The following LRFN5 variants were observed in gnomAD, a reference collection of about 807,000 sequenced individuals.
LRFN5 encodes leucine-rich repeat and fibronectin type-III domain-containing protein 5.
LRFN5 carries 24 observed loss-of-function variants against 45.6 expected under a neutral mutation model. The ratio of observed to expected loss-of-function variants is 0.53; its 90% CI spans 0.38 to 0.74. The LOEUF (loss-of-function observed/expected upper bound fraction) is 0.74. Among genes scored for constraint, LRFN5 ranks in the 30% least tolerant of loss-of-function variants. The pLI, the probability that LRFN5 is intolerant of heterozygous loss-of-function variation, is 0.00. For synonymous variants in LRFN5, 340 were observed against 313.8 expected (o/e 1.08, Z -0.88); for missense variants, 776 against 861.5 (o/e 0.90, Z 1.24).
At chr14:41,758,690 A>C (rs1885520008) in intron 1 of LRFN5, among the ~76,000 whole-genome samples, 1 of 152,188 alleles carries the variant, frequency 6.6e-6, no homozygotes, top group East Asian at 1.9e-4. Flanking sequence ...TTTTGTATTC[A>C]TCTTTAGTTC....
intron 2 of LRFN5, among the ~76,000 whole-genome samples, chr14:41,801,886 G>A (rs1887347896): frequency 6.6e-6 from 1 of 152,228 alleles, no homozygotes; most frequent in East Asian, 1.9e-4. Context: ...TGGGTCTTAA[G>A]GTTGAGGTAC....
intron 1 of LRFN5, among the ~76,000 whole-genome samples, chr14:41,618,225 A>C (rs990166590): frequency 1.3e-5 from 2 of 152,166 alleles, no homozygotes; most frequent in Non-Finnish European, 2.9e-5. Context: ...TCTGTAAGCT[A>C]CGTTGTTACC....
rs185033327 is a variant in LRFN5 at position 41,640,988 on chromosome 14, G to A, written c.-197+32426G>A. 3.0e-3 allele frequency among the ~76,000 whole-genome samples: 461 copies of A among 152,048 alleles called. 1 individual carries two copies. The highest frequency in any genetic ancestry group is 4.3e-3 in the Non-Finnish European group (293 of 67,972). On this transcript the variant is annotated intron_variant, in intron 1 of 5. Coordinates refer to ENST00000298119, the MANE Select transcript of LRFN5 (RefSeq NM_152447.5). ...GAATCCCTGGTGTTAGTATTTCAAG[G>A]ATGACTATTCAAAGAAATGCCACAA...
intron 1 of LRFN5, among the ~76,000 whole-genome samples, chr14:41,698,756 A>G (rs1223624941): frequency 1.3e-5 from 2 of 152,106 alleles, no homozygotes; most frequent in Non-Finnish European, 2.9e-5. Flanking sequence ...TTTTAAAATT[A>G]TATTTAGCAA....
chr14:41,816,960 A>T, intron 2 of LRFN5, among the ~76,000 whole-genome samples: 1 of 149,656 alleles, frequency 6.7e-6, no homozygotes, highest in East Asian at 2.0e-4. Flanking sequence ...TGTTCTTTTT[A>T]AAAGTATTAT....
rs1594593875 is a variant in LRFN5, at chr14:41,664,566, A to G, written c.-197+56004A>G. Among the ~76,000 whole-genome samples, 2 of 152,044 alleles carry G rather than the reference A, an allele frequency of 1.3e-5. 1 individual carries two copies. The highest frequency in any genetic ancestry group is 3.9e-4 in the East Asian group (2 of 5,164). ...AATCCCAGTGCTTTGCAATGCTGAGATGGGAGGATTGCTTGAGGACAGGAG... is the reference window on the plus strand; with the variant it reads ...AATCCCAGTGCTTTGCAATGCTGAGGTGGGAGGATTGCTTGAGGACAGGAG... On this transcript the variant is annotated intron_variant, in intron 1 of 5. Coordinates refer to ENST00000298119, the MANE Select transcript of LRFN5 (RefSeq NM_152447.5).
chr14:41,710,710 G>T (rs144296428), intron 1 of LRFN5, among the ~76,000 whole-genome samples: 174 of 152,148 alleles, frequency 1.1e-3, no homozygotes, highest in African/African-American at 4.1e-3. Flanking sequence ...AAGCTGGTGT[G>T]CTGCACCCAT....
chr14:41,797,876 T>C (rs1167477113), intron 2 of LRFN5, among the ~76,000 whole-genome samples: 1 of 152,034 alleles, frequency 6.6e-6, no homozygotes, highest in South Asian at 2.1e-4. Flanking sequence ...CTTCTCAATT[T>C]TGAATTTTTT....
Position 41,891,768 on chromosome 14 carries a change from C to G in LRFN5, c.1904C>G (p.Ser635Ter). ...TTSALPPSWT[S>*]STSVSQKQKR... ...TCTGCTTTGCCTCCTTCCTGGACTT[C>G]AAGCACTTCTGTGTCCCAAAAGCAG... is the stretch of plus-strand genomic sequence containing the variant. The change falls in exon 4 of 6, where the codon TCA becomes TGA. Residue 635 changes from serine to a stop codon, truncating the protein, a stop_gained. Coordinates refer to ENST00000298119, the MANE Select transcript of LRFN5 (RefSeq NM_152447.5). LOFTEE classifies it high-confidence loss of function. 1 of 1,614,182 alleles carries G rather than the reference C, an allele frequency of 6.2e-7. No individual in the cohort carries two copies. Among genetic ancestry groups the G allele is most frequent in the Non-Finnish European group, 8.5e-7 (1 of 1,180,026 alleles).
intron 1 of LRFN5, among the ~76,000 whole-genome samples, chr14:41,634,241 A>G (rs909237546): frequency 2.6e-5 from 4 of 152,136 alleles, no homozygotes; most frequent in Non-Finnish European, 5.9e-5. Context: ...TGAATCACCA[A>G]TGAGCCTATC....
intron 2 of LRFN5, among the ~76,000 whole-genome samples, chr14:41,797,937 ATC>A (rs1887189608): frequency 6.6e-6 from 1 of 151,888 alleles, no homozygotes; most frequent in African/African-American, 2.4e-5. Flanking sequence ...TTTTTTAAAT[ATC>A]TCTCTTACTT....
intron 1 of LRFN5, among the ~76,000 whole-genome samples, chr14:41,662,786 C>T (rs1356698212): frequency 6.6e-6 from 1 of 152,072 alleles, no homozygotes; most frequent in African/African-American, 2.4e-5. Flanking sequence ...CTTCTGCTTT[C>T]TAAATTTTGT....
At chr14:41,755,508 A>C (rs943171900) in intron 1 of LRFN5, among the ~76,000 whole-genome samples, 2 of 151,940 alleles carry the variant, frequency 1.3e-5, no homozygotes, top group African/African-American at 2.4e-5. Flanking sequence ...TGATCCCTTT[A>C]CCATTATGTA....
At chr14:41,814,526 A>G (rs923739748) in intron 2 of LRFN5, among the ~76,000 whole-genome samples, 4 of 152,130 alleles carry the variant, frequency 2.6e-5, no homozygotes, top group African/African-American at 9.7e-5. Context: ...TATTTCTTAA[A>G]TCATATTCTG....
chr14:41,610,691 G>T, intron 1 of LRFN5, among the ~76,000 whole-genome samples: 3 of 47,970 alleles, frequency 6.3e-5, no homozygotes, highest in Admixed American at 1.9e-4. Flanking sequence ...AAAGTGTATT[G>T]CCTGGATTAA....
intron 2 of LRFN5, among the ~76,000 whole-genome samples, chr14:41,848,456 C>T (rs749241388): frequency 2.6e-5 from 4 of 151,152 alleles, no homozygotes; most frequent in African/African-American, 9.7e-5. Flanking sequence ...AGTTGTACAG[C>T]GGGAGTTATG....
chr14:41,842,639 C>T (rs1315014548), intron 2 of LRFN5, among the ~76,000 whole-genome samples: 3 of 152,098 alleles, frequency 2.0e-5, no homozygotes, highest in Non-Finnish European at 4.4e-5. Flanking sequence ...ATATTTCCCA[C>T]ACAACACAAA....
At chr14:41,851,667 A>C (rs1301808337) in intron 2 of LRFN5, among the ~76,000 whole-genome samples, 2 of 151,814 alleles carry the variant, frequency 1.3e-5, no homozygotes, top group South Asian at 2.1e-4. Context: ...AATGCTGTAA[A>C]TGTAATTTTA....
At chr14:41,774,158 A>G (rs1366350230) in intron 2 of LRFN5, among the ~76,000 whole-genome samples, 2 of 152,238 alleles carry the variant, frequency 1.3e-5, no homozygotes, top group Admixed American at 1.3e-4. Flanking sequence ...CATTAGATGC[A>G]TGACAACAAT....
Sources: gnomAD v4.1 joint callset for allele counts (sites outside exome capture counted in the v4.1 genomes callset) on GRCh38, gnomAD v4.1.1 for gene constraint, MANE v1.5 for transcripts, NCBI Gene and HGNC (gene_info 2026-07-23, HGNC 2026-07-21) for gene names.